The following ZNF487 variants were observed in gnomAD, a reference collection of about 807,000 sequenced individuals.
ZNF487 encodes KRAB domain only 1.
ZNF487 carries 4 observed loss-of-function variants against 3.0 expected under a neutral mutation model. The observed-to-expected ratio is 1.35, with a 90% confidence interval of 0.66 to 3.08. The LOEUF is 3.08. Among genes scored for constraint, ZNF487 ranks in the 30% most tolerant of loss-of-function variants. The probability of loss-of-function intolerance (pLI) is 0.01; values close to 1 mark genes in which losing one functional copy is unlikely to be tolerated. For missense variants in ZNF487, 146 were observed against 98.7 expected, an observed-to-expected ratio of 1.48 and a Z score of -2.03; for synonymous variants, 55 against 34.6, an observed-to-expected ratio of 1.59 and a Z score of -2.06.
At chr10:43,478,264 A>G (rs148405948) in intron 3 of ZNF487, among the ~76,000 whole-genome samples, 1 of 152,232 alleles carries the variant, frequency 6.6e-6, no homozygotes, top group Admixed American at 6.5e-5. Flanking sequence ...TACAAAAAAT[A>G]AAAAATTAGG....
chr10:43,495,116 G>T, the ZNF487 span, among the ~76,000 whole-genome samples: 1 of 150,870 alleles, frequency 6.6e-6, no homozygotes, highest in Non-Finnish European at 1.5e-5. Context: ...TTCTGCATCT[G>T]TATCTTAATA....
intron 1 of ZNF487, among the ~76,000 whole-genome samples, chr10:43,457,193 C>T (rs185609302): frequency 6.6e-6 from 1 of 151,962 alleles, no homozygotes; most frequent in African/African-American, 2.4e-5. Context: ...TTGTAGTGAG[C>T]CGAGATAGAG....
At chr10:43,475,294 A>AG (rs1668329530) in intron 1 of ZNF487, among the ~76,000 whole-genome samples, 1 of 152,126 alleles carries the variant, frequency 6.6e-6, no homozygotes, top group South Asian at 2.1e-4. Flanking sequence ...CCAGGGCAGG[A>AG]GGATCGCTTG....
the ZNF487 span, among the ~76,000 whole-genome samples, chr10:43,489,228 A>G: frequency 2.6e-5 from 4 of 152,220 alleles, no homozygotes; most frequent in East Asian, 7.7e-4. Context: ...AGGAAGGAGG[A>G]TTGCTTGAGG....
intron 1 of ZNF487, among the ~76,000 whole-genome samples, chr10:43,459,634 G>A (rs1002505558): frequency 5.3e-5 from 8 of 151,906 alleles, no homozygotes; most frequent in Admixed American, 2.6e-4. Flanking sequence ...GCAGTGTTGC[G>A]ATCACAGCTC....
chr10:43,521,385 C>A, the ZNF487 span, among the ~76,000 whole-genome samples: 1 of 152,094 alleles, frequency 6.6e-6, no homozygotes, highest in Non-Finnish European at 1.5e-5. Flanking sequence ...AGCCTTCTTG[C>A]ACTTAGGAAC....
Position 43,482,594 on chromosome 10 carries a change from T to C in ZNF487, c.*672T>C. 2.0e-6 allele frequency: 1 copy of C among 505,900 alleles called. No homozygotes were observed. The allele number at this position is 505,900 out of a possible 1,614,324, so 31.3% of individuals were successfully genotyped here. ...AGAAACCCTATGGATGTAATGAATG[T>C]CAGAAAGCCTTTGGTGATAGGTCAG... On this transcript the variant is annotated 3_prime_UTR_variant, in exon 4 of 4. Transcript: ENST00000437590.
At chr10:43,518,559 C>T in the ZNF487 span, among the ~76,000 whole-genome samples, 626 of 152,128 alleles carry the variant, frequency 4.1e-3, 17 homozygotes, top group Admixed American at 0.031. Context: ...CCATATTGCC[C>T]CTTATCTATC....
At position 43,482,733 on chromosome 10, in the gene ZNF487, G is replaced by A. The variant is rs1041805236; in HGVS notation, c.*811G>A. On this transcript the variant is annotated 3_prime_UTR_variant, in exon 4 of 4. Transcript: ENST00000437590. ...CATTAATCATCAGTGAACTCACACA[G>A]GAGAGAGACCCTTTGAATGCAATGA... The A allele has an allele frequency of 8.6e-6, 4 of 464,796 alleles. No individual in the cohort carries two copies. Among genetic ancestry groups the A allele is most frequent in the African/African-American group, 8.1e-5 (4 of 49,462 alleles). The allele number at this position is 464,796 out of a possible 1,614,324, so 28.8% of individuals were successfully genotyped here.
At chr10:43,471,268 A>C (rs1227641672) in intron 1 of ZNF487, among the ~76,000 whole-genome samples, 1 of 152,124 alleles carries the variant, frequency 6.6e-6, no homozygotes, top group East Asian at 1.9e-4. Context: ...TGGCAGGAGC[A>C]AGCTCCGTGT....
chr10:43,439,532 G>C (rs1468544694), intron 1 of ZNF487, among the ~76,000 whole-genome samples: 1 of 151,972 alleles, frequency 6.6e-6, no homozygotes, highest in East Asian at 1.9e-4. Flanking sequence ...GTGAAACCCT[G>C]TCTCTACTAA....
chr10:43,478,035 C>T (rs975203172), intron 3 of ZNF487, among the ~76,000 whole-genome samples: 6 of 151,618 alleles, frequency 4.0e-5, no homozygotes, highest in African/African-American at 1.5e-4. Flanking sequence ...AAAGAGAAAA[C>T]CAATCCAGAT....
At chr10:43,440,671 A>G (rs899108847) in intron 1 of ZNF487, among the ~76,000 whole-genome samples, 13 of 151,536 alleles carry the variant, frequency 8.6e-5, no homozygotes, top group Non-Finnish European at 1.8e-4. Flanking sequence ...AAAAAAAAAG[A>G]AAAAAAGAAA....
intron 1 of ZNF487, among the ~76,000 whole-genome samples, chr10:43,465,134 G>T (rs1359714153): frequency 1.6e-5 from 2 of 122,162 alleles, no homozygotes; most frequent in African/African-American, 6.0e-5. Flanking sequence ...GGCTGGCCGG[G>T]CGGGGGGCTG....
chr10:43,500,588 G>A, the ZNF487 span, among the ~76,000 whole-genome samples: 1 of 152,034 alleles, frequency 6.6e-6, no homozygotes, highest in Non-Finnish European at 1.5e-5. Context: ...CGCAACCTCT[G>A]CCTCCCGGGC....
At chr10:43,518,863 C>A in the ZNF487 span, among the ~76,000 whole-genome samples, 1 of 152,124 alleles carries the variant, frequency 6.6e-6, no homozygotes, top group African/African-American at 2.4e-5. Context: ...CTCACTTGTC[C>A]CGTTTGCTCT....
At chr10:43,479,414 A>G (rs146719821) in intron 3 of ZNF487, among the ~76,000 whole-genome samples, 1 of 152,246 alleles carries the variant, frequency 6.6e-6, no homozygotes, top group African/African-American at 2.4e-5. Flanking sequence ...TTTCTTAGCA[A>G]TTATTTCAAC....
At chr10:43,437,348 T>G in intron 1 of ZNF487, 86 bp downstream of exon 1, 1 of 163,808 alleles carries the variant, frequency 6.1e-6, no homozygotes, top group Non-Finnish European at 1.3e-5. Context: ...CCGCTGGGGG[T>G]GGGGACCGTG....
chr10:43,482,116 A>C lies in ZNF487; in HGVS notation c.*194A>C, dbSNP rs1353215345. ...TAATGCGAGTGAGAATAGTTTTGGC[A>C]AGAAATCACTCCTCATTCTACAAAG... On this transcript the variant is annotated 3_prime_UTR_variant, in exon 4 of 4. Transcript: ENST00000437590. 2 of 568,590 alleles carry C rather than the reference A, an allele frequency of 3.5e-6. No individual in the cohort carries two copies. Among genetic ancestry groups the C allele is most frequent in the East Asian group, 5.7e-5 (2 of 35,282 alleles). 35.2% of individuals were successfully genotyped at this position (568,590 alleles called of 1,614,324 possible).
Sources: allele counts gnomAD v4.1 joint callset (sites outside exome capture counted in the v4.1 genomes callset), GRCh38; gene constraint gnomAD v4.1.1; transcripts MANE v1.5; gene names NCBI Gene and HGNC (gene_info 2026-07-23, HGNC 2026-07-21).